MTFR2: variants seen among roughly 807,000 people sequenced by gnomAD.
MTFR2 encodes the protein mitochondrial fission regulator 2.
MTFR2 carries 44 observed loss-of-function variants against 41.2 expected under a neutral mutation model. The ratio of observed to expected loss-of-function variants is 1.07; its 90% confidence interval spans 0.84 to 1.37. The LOEUF (loss-of-function observed/expected upper bound fraction) is 1.37. Among genes scored for constraint, MTFR2 ranks in the 40% most tolerant of loss-of-function variants. The pLI is 0.00. For synonymous variants in MTFR2, 141 were observed against 154.6 expected (o/e 0.91, Z 0.65); for missense variants, 452 against 459.5 (o/e 0.98, Z 0.15).
Position 136,242,954 on chromosome 6 carries a change from G to A in MTFR2, c.188C>T (p.Ser63Phe). The stretch of plus-strand genomic sequence containing the variant: ...AGATCCACAATTATCAGAGTCTACA[G>A]AGTTCAAGAGCGGGATCAACTAAAG... ...PNFELIPLLN[S>F]VDSDNCGSMV... is the part of the protein sequence containing the mutation. Residue 63 changes from serine (S) to phenylalanine (F), a missense_variant, in exon 4 of 8, where the codon TCT (serine) becomes TTT (phenylalanine). Coordinates refer to ENST00000420702, the MANE Select transcript of MTFR2 (RefSeq NM_001099286.3). The A allele has an allele frequency of 4.4e-6, 7 of 1,607,482 alleles. No individual in the cohort carries two copies. The highest frequency in any genetic ancestry group is 5.9e-6 in the Non-Finnish European group (7 of 1,178,390).
At chr6:136,248,931 G>T in intron 2 of MTFR2, 106 bp downstream of exon 2, 1 of 952,636 alleles carries the variant, frequency 1.0e-6, no homozygotes, top group Non-Finnish European at 1.6e-6. Flanking sequence ...CAACTAAAAA[G>T]AAGCAACAAC....
intron 2 of MTFR2, chr6:136,247,629 C>A: frequency 2.3e-6 from 1 of 434,490 alleles, no homozygotes; most frequent in Non-Finnish European, 4.6e-6. Context: ...AATTTCTTTT[C>A]ACAAGCAAAC....
At chr6:136,247,572 A>G (rs1315063896) in intron 2 of MTFR2, 1 of 455,722 alleles carries the variant, frequency 2.2e-6, no homozygotes, top group African/African-American at 2.0e-5. Context: ...TTTAAAAGAA[A>G]AAGAAAAATT....
chr6:136,246,009 GA>G (rs1288427979), intron 2 of MTFR2, among the ~76,000 whole-genome samples: 1 of 152,114 alleles, frequency 6.6e-6, no homozygotes, highest in Non-Finnish European at 1.5e-5. Flanking sequence ...ATTACTAGTA[GA>G]ATATTTGGAG....
At chr6:136,248,573 T>C (rs1780280382) in intron 2 of MTFR2, 1 of 155,896 alleles carries the variant, frequency 6.4e-6, no homozygotes, top group Non-Finnish European at 1.4e-5. Flanking sequence ...TGTGAGTCAA[T>C]TAAACCTCTT....
Position 136,239,567 on chromosome 6 carries a change from G to C in MTFR2, c.768C>G (p.Thr256=). ...MSKQNPAANK[T]NYSHHSKSQR... is the part of the protein sequence containing the mutation. ...GGCTTTTTGAATGATGACTATAATT[G>C]GTCTTATTAGCAGCCGGGTTCTGTT... Residue 256 remains threonine (T), a synonymous_variant, in exon 6 of 8, where the codon ACC becomes ACG. Coordinates refer to ENST00000420702, the MANE Select transcript of MTFR2 (RefSeq NM_001099286.3). 6.2e-7 allele frequency: 1 copy of C among 1,613,976 alleles called. No homozygotes were observed. The highest frequency in any genetic ancestry group is 8.5e-7 in the Non-Finnish European group (1 of 1,179,962).
intron 5 of MTFR2, 117 bp downstream of exon 5, chr6:136,241,327 G>T: frequency 1.4e-6 from 1 of 728,174 alleles, no homozygotes. Flanking sequence ...TTAAATACTA[G>T]ATGTTCCTGT....
intron 5 of MTFR2, 57 bp downstream of exon 5, chr6:136,241,387 G>A: frequency 1.4e-6 from 2 of 1,402,478 alleles, no homozygotes; most frequent in Non-Finnish European, 2.0e-6. Flanking sequence ...GTACAGGTTG[G>A]TATAGGCTAT....
chr6:136,249,277 T>TAGCCAGC (rs1409121881), intron 1 of MTFR2, 124 bp from the exon 2 acceptor site: 4 of 514,100 alleles, frequency 7.8e-6, no homozygotes, highest in Admixed American at 8.4e-5. Flanking sequence ...AGCATTCTTT[T>TAGCCAGC]AAGTCAGAGA....
intron 2 of MTFR2, among the ~76,000 whole-genome samples, chr6:136,246,148 G>A (rs950776764): frequency 1.3e-5 from 2 of 152,170 alleles, no homozygotes; most frequent in South Asian, 4.1e-4. Context: ...CAAGAGTTGG[G>A]TTAGTTCTTA....
chr6:136,237,540 G>C (rs1219957741), intron 6 of MTFR2, among the ~76,000 whole-genome samples: 1 of 152,140 alleles, frequency 6.6e-6, no homozygotes, highest in Admixed American at 6.5e-5. Flanking sequence ...GGCCAGGTGT[G>C]GTGGCTCACA....
chr6:136,240,914 A>AT (rs1554209463), intron 5 of MTFR2, among the ~76,000 whole-genome samples: 1 of 152,124 alleles, frequency 6.6e-6, no homozygotes, highest in East Asian at 1.9e-4. Flanking sequence ...ACACGGTGAA[A>AT]CCCCGTCTCT....
At chr6:136,247,479 C>A in intron 2 of MTFR2, 2 of 455,992 alleles carry the variant, frequency 4.4e-6, no homozygotes, top group Non-Finnish European at 8.8e-6. Flanking sequence ...AGGCGGTGCT[C>A]AATCCTCTCT....
At chr6:136,239,915 T>G in intron 5 of MTFR2, 95 bp from the exon 6 acceptor site, 1 of 961,510 alleles carries the variant, frequency 1.0e-6, no homozygotes, top group Non-Finnish European at 1.5e-6. Context: ...AGGAGCAATT[T>G]CTGTAATGCT....
At chr6:136,238,709 T>C (rs9494492) in intron 6 of MTFR2, among the ~76,000 whole-genome samples, 28,669 of 143,138 alleles carry the variant, frequency 0.2, 2,922 homozygotes, top group African/African-American at 0.29. Flanking sequence ...CACACACACA[T>C]GGAACTCAGA....
chr6:136,231,355 G>T lies in MTFR2; in HGVS notation c.1078C>A (p.Arg360=). 6.2e-7 allele frequency: 1 copy of T among 1,611,006 alleles called. No homozygotes were observed. The highest frequency in any genetic ancestry group is 1.1e-5 in the South Asian group (1 of 90,754). The change falls in exon 8 of 8, where the codon CGA becomes AGA. Residue 360 remains arginine, a synonymous_variant. Coordinates refer to ENST00000420702, the MANE Select transcript of MTFR2 (RefSeq NM_001099286.3). ...GTGTTGACCATTTCTTCTTTAGTTC[G>T]CTGTCCTTCTGACTGTGAAATGTGA... ...GHHISQSEGQ[R]TKEEMVNTKA...
chr6:136,249,566 CAGT>C (rs1780307993), intron 1 of MTFR2, among the ~76,000 whole-genome samples: 1 of 152,168 alleles, frequency 6.6e-6, no homozygotes, highest in South Asian at 2.1e-4. Flanking sequence ...AAAAAATAAA[CAGT>C]AGCTCTTCTC....
At chr6:136,248,494 T>C (rs747899279) in intron 2 of MTFR2, among the ~76,000 whole-genome samples, 12 of 152,348 alleles carry the variant, frequency 7.9e-5, no homozygotes, top group Non-Finnish European at 1.2e-4. Flanking sequence ...CCTGCCACCA[T>C]GTAAAATGTG....
chr6:136,246,377 G>C (rs143170324), intron 2 of MTFR2, among the ~76,000 whole-genome samples: 1 of 152,058 alleles, frequency 6.6e-6, no homozygotes, highest in African/African-American at 2.4e-5. Flanking sequence ...CCACCTCCCA[G>C]GCTCAAGCAA....
Sources: gnomAD v4.1 joint callset for allele counts (sites outside exome capture counted in the v4.1 genomes callset) on GRCh38, gnomAD v4.1.1 for gene constraint, MANE v1.5 for transcripts, NCBI Gene and HGNC (gene_info 2026-07-23, HGNC 2026-07-21) for gene names.